Variants in PFKFB1 observed in about 807,000 individuals in gnomAD.
The protein encoded by PFKFB1 is 6-phosphofructo-2-kinase/fructose-2,6-biphosphatase 1.
A neutral mutation model predicts 46.4 loss-of-function variants in PFKFB1; 34 were observed. That is an observed-to-expected ratio of 0.73 (90% CI 0.56 to 0.98). The LOEUF is 0.98. Among genes scored for constraint, PFKFB1 ranks in the 50% least tolerant of loss-of-function variants. The pLI is 0.00. For missense variants in PFKFB1, 393 were observed against 376.3 expected, an observed-to-expected ratio of 1.04 and a Z score of -0.37; for synonymous variants, 119 against 133.8, an observed-to-expected ratio of 0.89 and a Z score of 0.76.
chrX:54,963,223 T>C (rs767857100), intron 2 of PFKFB1, 34 bp downstream of exon 2: 6 of 1,203,374 alleles, frequency 5.0e-6, no homozygotes, highest in Admixed American at 2.2e-5. Flanking sequence ...GTAGCTTTTA[T>C]GGGGTTGTTG....
At chrX:54,980,447 A>G (rs368003634) in intron 1 of PFKFB1, among the ~76,000 whole-genome samples, 32 of 110,578 alleles carry the variant, frequency 2.9e-4, no homozygotes, top group African/African-American at 1.1e-3. Flanking sequence ...TTTAAGAGAT[A>G]GCACGTATAG....
intron 2 of PFKFB1, among the ~76,000 whole-genome samples, chrX:54,961,624 T>C (rs1160423621): frequency 8.9e-6 from 1 of 111,972 alleles, no homozygotes; most frequent in Non-Finnish European, 1.9e-5. Context: ...CCGATCTTCA[T>C]GATGGGGCCT....
In PFKFB1 at chrX:54,937,618, G is replaced by T. The variant is rs1396715748; in HGVS notation, c.1205C>A (p.Ala402Asp). 3 of 1,209,622 alleles carry T rather than the reference G, an allele frequency of 2.5e-6. No homozygotes were observed. Among genetic ancestry groups the T allele is most frequent in the South Asian group, 1.8e-5 (1 of 56,837 alleles). The change falls in exon 11 of 14, where the codon GCC becomes GAC. Residue 402 changes from alanine to aspartate, a missense_variant. Coordinates refer to ENST00000375006, the MANE Select transcript of PFKFB1 (RefSeq NM_002625.4). ...ACCTGAACTTTTATCCAGGAAATAG[G>T]CCAGGAGGCACCGCATGACAGCCTG... ...CHQAVMRCLL[A>D]YFLDKSSDEL...
In PFKFB1 at chrX:54,974,257, A is replaced by G. The variant is rs141070491; in HGVS notation, c.98-10875T>C. The stretch of plus-strand genomic sequence containing the variant: ...ATGGTACTGGTATAAAAACAGGCAC[A>G]TAGAGCAATGGAACAAAATTCGGAA... On this transcript the variant is annotated intron_variant, in intron 1 of 13. Transcript: ENST00000375006. Among the ~76,000 whole-genome samples the G allele has an allele frequency of 5.3e-3, 591 of 112,476 alleles. 2 individuals carry two copies. Among genetic ancestry groups the G allele is most frequent in the African/African-American group, 0.018 (562 of 31,041 alleles).
chrX:54,957,393 CT>C (rs1178388437), intron 6 of PFKFB1, among the ~76,000 whole-genome samples: 1 of 110,972 alleles, frequency 9.0e-6, no homozygotes. Context: ...TCTCAGAGTT[CT>C]GTATATATAC....
At chrX:54,952,157 G>C (rs755422795) in intron 7 of PFKFB1, 45 bp from the exon 8 acceptor site, 1 of 1,054,886 alleles carries the variant, frequency 9.5e-7, no homozygotes, top group Non-Finnish European at 1.3e-6. Flanking sequence ...AGGGGCTAAT[G>C]GTGGTAGGGT....
At chrX:54,975,154 G>C (rs752529866) in intron 1 of PFKFB1, among the ~76,000 whole-genome samples, 1 of 111,204 alleles carries the variant, frequency 9.0e-6, no homozygotes, top group Non-Finnish European at 1.9e-5. Flanking sequence ...ATGTGCACAC[G>C]CATGTTTATA....
At chrX:54,949,615 G>A (rs908643128) in intron 8 of PFKFB1, among the ~76,000 whole-genome samples, 4 of 112,049 alleles carry the variant, frequency 3.6e-5, no homozygotes, top group Non-Finnish European at 7.5e-5. Context: ...GCACTTCTAC[G>A]TGCCTTTAGT....
chrX:54,965,365 C>G (rs751761907), intron 1 of PFKFB1, among the ~76,000 whole-genome samples: 1 of 112,160 alleles, frequency 8.9e-6, no homozygotes, highest in African/African-American at 3.2e-5. Flanking sequence ...TTATACCAGA[C>G]TTCTTGTCAG....
At chrX:54,988,474 T>C (rs1317355579) in intron 1 of PFKFB1, among the ~76,000 whole-genome samples, 2 of 111,639 alleles carry the variant, frequency 1.8e-5, no homozygotes, top group South Asian at 3.7e-4. Flanking sequence ...AATTAATAAA[T>C]TGGTCTTAAA....
intron 1 of PFKFB1, among the ~76,000 whole-genome samples, chrX:54,965,186 G>A (rs1454110669): frequency 1.8e-5 from 2 of 111,586 alleles, no homozygotes; most frequent in Admixed American, 9.5e-5. Flanking sequence ...GATTCAAGAA[G>A]CTCAGAGAAC....
chrX:54,942,626 T>C (rs1243686771), intron 10 of PFKFB1, among the ~76,000 whole-genome samples: 1 of 111,400 alleles, frequency 9.0e-6, no homozygotes, highest in Non-Finnish European at 1.9e-5. Flanking sequence ...CTGGAGCTCA[T>C]ATAACACACA....
intron 1 of PFKFB1, among the ~76,000 whole-genome samples, chrX:54,966,861 G>T (rs1228103164): frequency 1.8e-5 from 2 of 111,743 alleles, no homozygotes; most frequent in Admixed American, 9.5e-5. Flanking sequence ...AAAGATAAAG[G>T]AAAGGGAAGA....
At chrX:54,952,163 A>C in intron 7 of PFKFB1, 51 bp from the exon 8 acceptor site, 1 of 1,020,358 alleles carries the variant, frequency 9.8e-7, no homozygotes, top group Non-Finnish European at 1.4e-6. Flanking sequence ...TAATGGTGGT[A>C]GGGTTGACCC....
At chrX:54,945,395 AC>A (rs755170078) in intron 10 of PFKFB1, 43 bp downstream of exon 10, 1 of 730,927 alleles carries the variant, frequency 1.4e-6, no homozygotes, top group Admixed American at 2.6e-5. Context: ...CAATGAAGAC[AC>A]TGGGGAGTAG....
At chrX:54,963,562 C>T (rs1380905216) in intron 1 of PFKFB1, among the ~76,000 whole-genome samples, 180 bp from the exon 2 acceptor site, 1 of 112,424 alleles carries the variant, frequency 8.9e-6, no homozygotes, top group Non-Finnish European at 1.9e-5. Context: ...TGCAGTACCA[C>T]AAACCTGTAG....
At chrX:54,992,723 C>T (rs764350377) in intron 1 of PFKFB1, among the ~76,000 whole-genome samples, 45 of 111,775 alleles carry the variant, frequency 4.0e-4, no homozygotes, top group Admixed American at 1.1e-3. Flanking sequence ...CTGGAGGACC[C>T]GTGTATGCAG....
At chrX:54,943,039 CAGA>C (rs1198942855) in intron 10 of PFKFB1, among the ~76,000 whole-genome samples, 1 of 111,210 alleles carries the variant, frequency 9.0e-6, no homozygotes, top group Non-Finnish European at 1.9e-5. Context: ...ATTGTATTTC[CAGA>C]AGAAGATAAT....
upstream of PFKFB1, among the ~76,000 whole-genome samples, chrX:54,997,411 T>C (rs1935373777): frequency 9.0e-6 from 1 of 111,710 alleles, no homozygotes; most frequent in Admixed American, 9.5e-5. Flanking sequence ...AATTCTAAAA[T>C]GGGGCTATCT....
Sources: gnomAD v4.1 joint callset for allele counts (sites outside exome capture counted in the v4.1 genomes callset) on GRCh38, gnomAD v4.1.1 for gene constraint, MANE v1.5 for transcripts, NCBI Gene and HGNC (gene_info 2026-07-23, HGNC 2026-07-21) for gene names.